GPHN: variants seen among roughly 807,000 people sequenced by gnomAD.
GPHN encodes gephyrin.
GPHN carries 17 observed loss-of-function variants against 95.5 expected under a neutral mutation model. That is an observed-to-expected ratio of 0.18 (90% CI 0.12 to 0.27). GPHN has a LOEUF of 0.27. Ranked by LOEUF, GPHN falls within the 10% of genes least tolerant of loss-of-function variation. GPHN has a pLI of 1.00. For synonymous variants in GPHN, 320 were observed against 322.5 expected, an observed-to-expected ratio of 0.99 and a Z score of 0.08; for missense variants, 660 against 978.1, an observed-to-expected ratio of 0.67 and a Z score of 4.34.
chr14:67,008,858 T>G (rs2072789241), intron 9 of GPHN, among the ~76,000 whole-genome samples: 1 of 152,146 alleles, frequency 6.6e-6, no homozygotes, highest in Non-Finnish European at 1.5e-5. Context: ...TTTTTAAATT[T>G]TATAAGCTAT....
intron 4 of GPHN, among the ~76,000 whole-genome samples, chr14:66,845,473 C>G (rs1438952403): frequency 6.6e-6 from 1 of 151,698 alleles, no homozygotes; most frequent in Non-Finnish European, 1.5e-5. Context: ...TGTAAGAAAA[C>G]AAAAATGATT....
chr14:66,673,239 C>T (rs7143239), intron 1 of GPHN, among the ~76,000 whole-genome samples: 47,244 of 151,972 alleles, frequency 0.31, 11,147 homozygotes, highest in African/African-American at 0.63. Flanking sequence ...ACTACCAGTG[C>T]GTGCCACCAC....
intron 3 of GPHN, among the ~76,000 whole-genome samples, chr14:66,787,822 T>C (rs1022693181): frequency 2.7e-5 from 4 of 150,458 alleles, no homozygotes; most frequent in Non-Finnish European, 5.9e-5. Context: ...TACAAAATTA[T>C]TTCAAAATAC....
chr14:66,784,107 G>A (rs116923869), intron 3 of GPHN, among the ~76,000 whole-genome samples: 2,930 of 152,172 alleles, frequency 0.019, 38 homozygotes, highest in Middle Eastern at 0.034. Context: ...TATTATAAAA[G>A]TGCTTCAATA....
chr14:67,034,456 A>G (rs2074325598), intron 10 of GPHN, among the ~76,000 whole-genome samples: 1 of 152,168 alleles, frequency 6.6e-6, no homozygotes, highest in Non-Finnish European at 1.5e-5. Flanking sequence ...AAGGCCTTTA[A>G]GTGTAATTGG....
the GPHN span, among the ~76,000 whole-genome samples, chr14:67,710,600 A>G: frequency 4.6e-5 from 7 of 152,042 alleles, no homozygotes; most frequent in Non-Finnish European, 7.4e-5. Context: ...TACAAAAAAA[A>G]TCTTTATTTT....
chr14:67,216,268 T>TG, the GPHN span, among the ~76,000 whole-genome samples: 1 of 152,162 alleles, frequency 6.6e-6, no homozygotes, highest in South Asian at 2.1e-4. Flanking sequence ...TATATTCATC[T>TG]GGGATACTAA....
intron 18 of GPHN, among the ~76,000 whole-genome samples, chr14:67,143,854 C>G (rs1039723578): frequency 6.6e-6 from 1 of 151,956 alleles, no homozygotes; most frequent in African/African-American, 2.4e-5. Flanking sequence ...CCAAATCTAC[C>G]AAGAATGCTT....
chr14:67,078,023 T>C (rs1226756081), intron 11 of GPHN, among the ~76,000 whole-genome samples: 1 of 152,178 alleles, frequency 6.6e-6, no homozygotes, highest in African/African-American at 2.4e-5. Flanking sequence ...CTTCATCAAA[T>C]TGAAGACATT....
chr14:66,833,661 G>C (rs1281929393), intron 4 of GPHN, among the ~76,000 whole-genome samples: 7 of 125,256 alleles, frequency 5.6e-5, no homozygotes, highest in African/African-American at 2.5e-4. Context: ...TTTATGCCCT[G>C]GTTAAAAAAA....
At chr14:67,385,439 C>CA in the GPHN span, 1,729 of 98,420 alleles carry the variant, frequency 0.018, 15 homozygotes, top group Non-Finnish European at 0.036. Flanking sequence ...GACCCTGTCT[C>CA]AAAAAAAAAA....
the GPHN span, among the ~76,000 whole-genome samples, chr14:67,421,610 C>T: frequency 1.3e-5 from 2 of 152,082 alleles, no homozygotes; most frequent in Non-Finnish European, 2.9e-5. Context: ...AGAGTGTGAG[C>T]CTGTCTGGAT....
intron 3 of GPHN, among the ~76,000 whole-genome samples, chr14:66,796,918 C>T (rs1036806009): frequency 3.3e-5 from 5 of 151,688 alleles, no homozygotes; most frequent in Non-Finnish European, 7.4e-5. Flanking sequence ...TGGAGAGTTT[C>T]CCCTATGTTT....
the GPHN span, among the ~76,000 whole-genome samples, chr14:67,233,420 T>C: frequency 6.6e-6 from 1 of 152,204 alleles, no homozygotes; most frequent in Non-Finnish European, 1.5e-5. Flanking sequence ...TTTAAAAACC[T>C]GGTGGAATAC....
intron 3 of GPHN, among the ~76,000 whole-genome samples, chr14:66,807,093 T>C (rs2060575303): frequency 1.3e-5 from 2 of 152,078 alleles, no homozygotes; most frequent in African/African-American, 4.8e-5. Context: ...ACAATCATGG[T>C]GGAAGGCAAG....
chr14:66,931,771 T>A lies in GPHN; in HGVS notation c.828+7479T>A, dbSNP rs142601621. Among the ~76,000 whole-genome samples the A allele has an allele frequency of 5.7e-3, 864 of 152,332 alleles. 32 individuals are homozygous for A. Among genetic ancestry groups the A allele is most frequent in the Admixed American group, 0.044 (670 of 15,298 alleles). On this transcript the variant is annotated intron_variant, in intron 8 of 22. Transcript: ENST00000478722. ...TATGATTCTGAGTTCATTCTCTGTG[T>A]TATCTTTCATTTTGTTGAGCTTCCT...
chr14:66,838,470 G>C (rs2061948785), intron 4 of GPHN, among the ~76,000 whole-genome samples: 1 of 152,068 alleles, frequency 6.6e-6, no homozygotes, highest in Non-Finnish European at 1.5e-5. Context: ...TTAAATCCTT[G>C]TTTTAGCTTG....
the GPHN span, chr14:67,685,215 G>A: frequency 2.5e-6 from 4 of 1,605,894 alleles, no homozygotes; most frequent in South Asian, 2.2e-5. Flanking sequence ...CTGGTTGGGG[G>A]TGGCATGAAG....
the GPHN span, among the ~76,000 whole-genome samples, chr14:67,437,514 G>T: frequency 0.012 from 1,902 of 152,202 alleles, 15 homozygotes; most frequent in Middle Eastern, 0.02. Flanking sequence ...CAAGTGACAC[G>T]GTCTGATTTC....
Sources: allele counts gnomAD v4.1 joint callset (sites outside exome capture counted in the v4.1 genomes callset), GRCh38; gene constraint gnomAD v4.1.1; transcripts MANE v1.5; gene names NCBI Gene and HGNC (gene_info 2026-07-23, HGNC 2026-07-21).